The following CHN2 variants were observed in gnomAD, a reference collection of about 807,000 sequenced individuals.
The protein encoded by CHN2 is chimerin 2.
In CHN2, 35 loss-of-function variants were observed where a neutral mutation model predicts 56.3. The ratio of observed to expected loss-of-function variants is 0.62; its 90% confidence interval spans 0.47 to 0.82. The LOEUF is 0.82. CHN2 is among the 40% of genes least tolerant of loss of function. CHN2 has a pLI of 0.00. For missense variants in CHN2, 491 were observed against 580.5 expected (o/e 0.85, Z 1.58); for synonymous variants, 210 against 212.8 (o/e 0.99, Z 0.12).
chr7:29,355,876 C>A (rs934442319), intron 2 of CHN2, among the ~76,000 whole-genome samples: 1 of 150,182 alleles, frequency 6.7e-6, no homozygotes, highest in Non-Finnish European at 1.5e-5. Context: ...CTCCACCTCC[C>A]GGGCTCAAGT....
intron 2 of CHN2, among the ~76,000 whole-genome samples, chr7:29,180,602 T>A (rs1198033700): frequency 1.3e-5 from 2 of 151,936 alleles, no homozygotes; most frequent in African/African-American, 4.8e-5. Context: ...ATAAATCAAA[T>A]TAAGGCAAAT....
chr7:29,502,535 T>C (rs1790079879), intron 9 of CHN2, among the ~76,000 whole-genome samples: 1 of 152,144 alleles, frequency 6.6e-6, no homozygotes, highest in Non-Finnish European at 1.5e-5. Context: ...AGAACAAATA[T>C]TGGAAGGATA....
chr7:29,228,917 A>C (rs557055852), intron 1 of CHN2, among the ~76,000 whole-genome samples: 11 of 152,286 alleles, frequency 7.2e-5, no homozygotes, highest in African/African-American at 2.6e-4. Context: ...TTTCACGCCC[A>C]TTCTTCCTTT....
chr7:29,261,711 A>G (rs1201903211), intron 1 of CHN2, among the ~76,000 whole-genome samples: 1 of 152,212 alleles, frequency 6.6e-6, no homozygotes, highest in Non-Finnish European at 1.5e-5. Context: ...TCAAATAAAT[A>G]CCAGCATTGG....
At chr7:29,306,301 G>A (rs924494262) in intron 1 of CHN2, among the ~76,000 whole-genome samples, 2 of 152,188 alleles carry the variant, frequency 1.3e-5, no homozygotes, top group Non-Finnish European at 1.5e-5. Context: ...AAAAACTGCA[G>A]TCAAGGTAAG....
chr7:29,325,959 A>G (rs964009826), intron 1 of CHN2, among the ~76,000 whole-genome samples: 2 of 152,200 alleles, frequency 1.3e-5, no homozygotes, highest in Middle Eastern at 3.2e-3. Flanking sequence ...GTCCTTCTCT[A>G]TAACATGAGA....
chr7:29,320,863 A>G (rs1795289190), intron 1 of CHN2, among the ~76,000 whole-genome samples: 1 of 152,082 alleles, frequency 6.6e-6, no homozygotes. Flanking sequence ...CTGTTTGCAA[A>G]GGTGAATCTG....
intron 3 of CHN2, among the ~76,000 whole-genome samples, chr7:29,377,839 A>C (rs1800193665): frequency 6.6e-6 from 1 of 152,244 alleles, no homozygotes; most frequent in Non-Finnish European, 1.5e-5. Context: ...CTTCAACGAT[A>C]GTATCTTTTT....
intron 6 of CHN2, among the ~76,000 whole-genome samples, chr7:29,444,902 G>A (rs1324227774): frequency 2.6e-5 from 4 of 152,176 alleles, no homozygotes; most frequent in Non-Finnish European, 5.9e-5. Flanking sequence ...GCAGGCATTC[G>A]ATGGTTTGGA....
chr7:29,280,522 A>G (rs1315316742), intron 1 of CHN2, among the ~76,000 whole-genome samples: 2 of 152,212 alleles, frequency 1.3e-5, no homozygotes, highest in East Asian at 3.8e-4. Flanking sequence ...GGAGTTACCC[A>G]TTAGGCTGTG....
At chr7:29,244,657 T>C (rs39087) in intron 1 of CHN2, among the ~76,000 whole-genome samples, 113,592 of 152,104 alleles carry the variant, frequency 0.75, 42,936 homozygotes, top group East Asian at 0.93. Flanking sequence ...CCTGGTACTA[T>C]GTGAACACCA....
upstream of CHN2, among the ~76,000 whole-genome samples, chr7:29,189,839 A>C (rs751395359): frequency 9.9e-5 from 15 of 152,182 alleles, no homozygotes; most frequent in Non-Finnish European, 1.9e-4. Context: ...GCCCCCCTGC[A>C]GCTCAGTGAG....
chr7:29,195,959 G>T (rs1407139622), intron 1 of CHN2, among the ~76,000 whole-genome samples: 1 of 152,132 alleles, frequency 6.6e-6, no homozygotes, highest in Non-Finnish European at 1.5e-5. Flanking sequence ...AACCCAAAGG[G>T]ATAGCTGATA....
chr7:29,310,615 G>C (rs746484697), intron 1 of CHN2, among the ~76,000 whole-genome samples: 3 of 152,142 alleles, frequency 2.0e-5, no homozygotes, highest in Non-Finnish European at 4.4e-5. Flanking sequence ...GTTCATTTGG[G>C]CTGCTATAAC....
chr7:29,234,911 A>G (rs1479475939), intron 1 of CHN2, among the ~76,000 whole-genome samples: 1 of 152,192 alleles, frequency 6.6e-6, no homozygotes, highest in Non-Finnish European at 1.5e-5. Flanking sequence ...TTATCTCTGT[A>G]TCAGGAAGTG....
chr7:29,155,236 T>G (rs190163110), intron 2 of CHN2, among the ~76,000 whole-genome samples: 1 of 152,310 alleles, frequency 6.6e-6, no homozygotes, highest in Admixed American at 6.5e-5. Context: ...TATTATTATC[T>G]AAACTTGGGT....
intron 1 of CHN2, among the ~76,000 whole-genome samples, chr7:29,228,903 C>CT: frequency 1.3e-5 from 2 of 152,370 alleles, no homozygotes; most frequent in South Asian, 4.1e-4. Context: ...TTCCTGAGCT[C>CT]TGCTTTCACG....
At chr7:29,251,964 A>T (rs1018449692) in intron 1 of CHN2, among the ~76,000 whole-genome samples, 1 of 152,132 alleles carries the variant, frequency 6.6e-6, no homozygotes, top group Non-Finnish European at 1.5e-5. Context: ...TACACATGCT[A>T]TATATACTTA....
chr7:29,481,657 C>CATT (rs780569993), intron 7 of CHN2, among the ~76,000 whole-genome samples: 3 of 60,916 alleles, frequency 4.9e-5, no homozygotes, highest in Admixed American at 3.5e-4. Context: ...AAATGCCTCC[C>CATT]GTTTTTTTTT....
Sources: gnomAD v4.1 joint callset for allele counts (sites outside exome capture counted in the v4.1 genomes callset) on GRCh38, gnomAD v4.1.1 for gene constraint, MANE v1.5 for transcripts, NCBI Gene and HGNC (gene_info 2026-07-23, HGNC 2026-07-21) for gene names.